The following THNSL1 variants were observed in gnomAD, a reference collection of about 807,000 sequenced individuals.
The protein encoded by THNSL1 is threonine synthase like 1, also known as threonine synthase-like 1.
THNSL1 carries 48 observed loss-of-function variants against 50.4 expected under a neutral mutation model. The ratio of observed to expected loss-of-function variants is 0.95; its 90% CI spans 0.76 to 1.21. The LOEUF (loss-of-function observed/expected upper bound fraction) is 1.21. Among genes scored for constraint, THNSL1 ranks in the 50% most tolerant of loss-of-function variants. THNSL1 has a pLI of 0.00. For missense variants in THNSL1, 896 were observed against 871.7 expected (o/e 1.03, Z -0.35); for synonymous variants, 309 against 306.1 (o/e 1.01, Z -0.10).
the THNSL1 span, among the ~76,000 whole-genome samples, chr10:25,005,792 C>T: frequency 1.3e-5 from 2 of 152,184 alleles, no homozygotes; most frequent in Admixed American, 1.3e-4. Flanking sequence ...CTTGACAACA[C>T]AGGCATATGT....
chr10:24,998,859 TGGGGCCCTAAGCTG>T, the THNSL1 span, among the ~76,000 whole-genome samples: 1 of 152,182 alleles, frequency 6.6e-6, no homozygotes, highest in African/African-American at 2.4e-5. Context: ...AAAATAAGCA[TGGGGCCCTAAGCTG>T]GTTCTACCAC....
upstream of THNSL1, among the ~76,000 whole-genome samples, chr10:25,013,495 T>C (rs1850498301): frequency 6.6e-6 from 1 of 152,228 alleles, no homozygotes; most frequent in African/African-American, 2.4e-5. Flanking sequence ...AAAATGCTTA[T>C]GGAAGCTTAG....
chr10:24,969,460 A>G, the THNSL1 span, among the ~76,000 whole-genome samples: 10 of 152,210 alleles, frequency 6.6e-5, no homozygotes, highest in Non-Finnish European at 1.3e-4. Flanking sequence ...AAAGGAGACC[A>G]TGATGCTGAC....
chr10:24,983,588 T>C, the THNSL1 span: 3 of 152,252 alleles, frequency 2.0e-5, no homozygotes, highest in East Asian at 3.8e-4. Flanking sequence ...GATACTCATA[T>C]GGACAAGTTT....
At chr10:24,961,750 T>A in the THNSL1 span, among the ~76,000 whole-genome samples, 1 of 152,234 alleles carries the variant, frequency 6.6e-6, no homozygotes, top group Non-Finnish European at 1.5e-5. Flanking sequence ...GTTTTATCAT[T>A]GTACTCCATA....
chr10:24,959,487 T>C, the THNSL1 span, among the ~76,000 whole-genome samples: 1 of 152,252 alleles, frequency 6.6e-6, no homozygotes, highest in East Asian at 1.9e-4. Flanking sequence ...ACTTCCCTAA[T>C]TGTGAGTTTG....
At chr10:24,954,593 C>A in the THNSL1 span, among the ~76,000 whole-genome samples, 2 of 152,218 alleles carry the variant, frequency 1.3e-5, no homozygotes, top group African/African-American at 4.8e-5. Context: ...CCAACAAGTT[C>A]ACAGTGAAAA....
At chr10:25,020,388 GGTAACATAAT>G (rs757052308) in intron 1 of THNSL1, among the ~76,000 whole-genome samples, 1 of 152,002 alleles carries the variant, frequency 6.6e-6, no homozygotes, top group Non-Finnish European at 1.5e-5. Flanking sequence ...ATAAGGTGAA[GGTAACATAAT>G]GTTTCCTTAC....
At chr10:25,013,917 G>A (rs944736305), upstream of THNSL1, among the ~76,000 whole-genome samples, 8 of 151,800 alleles carry the variant, frequency 5.3e-5, no homozygotes, top group Non-Finnish European at 1.0e-4. Flanking sequence ...ACTCCAGCCT[G>A]GGCAAAAAGA....
In THNSL1 at chr10:25,023,493, C is replaced by A. The variant is rs1850767290; in HGVS notation, c.270C>A (p.Ile90=). The change falls in exon 3 of 3, where the codon ATC becomes ATA. Residue 90 remains isoleucine, a synonymous_variant. Transcript: ENST00000376356. ...GCCVIDVDDD[I]LEKTWNMSVS... ...GTGTCATAGATGTGGATGATGATAT[C>A]CTTGAAAAAACCTGGAATATGAGTG... 6.2e-7 allele frequency: 1 copy of A among 1,613,988 alleles called. No individual in the cohort carries two copies. The highest frequency in any genetic ancestry group is 2.2e-5 in the East Asian group (1 of 44,866).
the THNSL1 span, among the ~76,000 whole-genome samples, chr10:24,961,364 T>C: frequency 6.6e-6 from 1 of 152,224 alleles, no homozygotes; most frequent in Non-Finnish European, 1.5e-5. Context: ...TACTTCCAAA[T>C]TTTGATTGTA....
the THNSL1 span, among the ~76,000 whole-genome samples, chr10:25,002,169 A>G: frequency 6.6e-6 from 1 of 152,336 alleles, no homozygotes; most frequent in Non-Finnish European, 1.5e-5. Context: ...TGCCCTGTGT[A>G]TTAGGAGGTG....
the THNSL1 span, among the ~76,000 whole-genome samples, chr10:25,009,575 TAGAG>T: frequency 6.6e-6 from 1 of 152,192 alleles, no homozygotes; most frequent in African/African-American, 2.4e-5. Context: ...GCTATCAGCC[TAGAG>T]AGAGGTGTCT....
the THNSL1 span, among the ~76,000 whole-genome samples, chr10:25,002,606 T>C: frequency 1.3e-5 from 2 of 152,218 alleles, no homozygotes; most frequent in East Asian, 1.9e-4. Context: ...TCTGGTGTTC[T>C]AGTTGTTTAA....
In THNSL1 at chr10:25,025,141, G is replaced by C; in HGVS notation, c.1918G>C (p.Asp640His). The C allele has an allele frequency of 1.2e-6, 2 of 1,614,190 alleles. No homozygotes were observed. Among genetic ancestry groups the C allele is most frequent in the South Asian group, 2.2e-5 (2 of 91,080 alleles). The change falls in exon 3 of 3, where the codon GAT (aspartate) becomes CAT (histidine). Residue 640 changes from aspartate (D) to histidine (H), a missense_variant. Physicochemically the swap from Asp to His is moderately conservative, Grantham distance 81. Transcript: ENST00000376356. The stretch of plus-strand genomic sequence containing the variant: ...CTATAATACTTCAGGGTATATTTTG[G>C]ATCCACACACTGCTGTTGCAAAAGT... ...STYNTSGYIL[D>H]PHTAVAKVVA...
chr10:24,998,883 C>G, the THNSL1 span, among the ~76,000 whole-genome samples: 1 of 152,166 alleles, frequency 6.6e-6, no homozygotes, highest in Non-Finnish European at 1.5e-5. Context: ...GGTTCTACCA[C>G]TTATTCATGA....
chr10:24,978,660 T>G, the THNSL1 span, among the ~76,000 whole-genome samples: 42 of 152,316 alleles, frequency 2.8e-4, no homozygotes, highest in African/African-American at 1.0e-3. Flanking sequence ...AATTTTTGTT[T>G]TACTTATCAT....
the THNSL1 span, among the ~76,000 whole-genome samples, chr10:25,000,304 T>G: frequency 6.6e-6 from 1 of 152,170 alleles, no homozygotes; most frequent in African/African-American, 2.4e-5. Flanking sequence ...GTGCCGCTGT[T>G]GGCTGGAGTG....
the THNSL1 span, among the ~76,000 whole-genome samples, chr10:25,000,551 ATCAC>A: frequency 6.6e-6 from 1 of 152,106 alleles, no homozygotes; most frequent in African/African-American, 2.4e-5. Context: ...AGATCACTTC[ATCAC>A]TATAAAATAA....
Sources: allele counts gnomAD v4.1 joint callset (sites outside exome capture counted in the v4.1 genomes callset), GRCh38; gene constraint gnomAD v4.1.1; transcripts MANE v1.5; gene names NCBI Gene and HGNC (gene_info 2026-07-23, HGNC 2026-07-21).